Variants in CDH12 observed in about 807,000 individuals in gnomAD.
CDH12 encodes cadherin 12.
A neutral mutation model predicts 74.1 loss-of-function variants in CDH12; 41 were observed. The ratio of observed to expected loss-of-function variants is 0.55; its 90% CI spans 0.43 to 0.72. CDH12 has a LOEUF of 0.72. Among genes scored for constraint, CDH12 ranks in the 30% least tolerant of loss-of-function variants. The pLI is 0.00. For missense variants in CDH12, 945 were observed against 977.2 expected, an observed-to-expected ratio of 0.97 and a Z score of 0.44; for synonymous variants, 399 against 355.0, an observed-to-expected ratio of 1.12 and a Z score of -1.39.
intron 5 of CDH12, among the ~76,000 whole-genome samples, chr5:22,023,858 G>A (rs1186160835): frequency 6.6e-6 from 1 of 152,102 alleles, no homozygotes; most frequent in Non-Finnish European, 1.5e-5. Flanking sequence ...CCAAGTTAGA[G>A]CCAAATTTGG....
At chr5:22,361,563 G>T (rs1182321088) in intron 3 of CDH12, among the ~76,000 whole-genome samples, 1 of 152,070 alleles carries the variant, frequency 6.6e-6, no homozygotes, top group Non-Finnish European at 1.5e-5. Flanking sequence ...TTTCTTCACA[G>T]AATTGGAAAA....
At chr5:21,873,295 TC>T (rs1188715025) in intron 6 of CDH12, among the ~76,000 whole-genome samples, 1 of 151,986 alleles carries the variant, frequency 6.6e-6, no homozygotes, top group African/African-American at 2.4e-5. Flanking sequence ...CCCAAATTCT[TC>T]CCCCTTTTTT....
intron 1 of CDH12, among the ~76,000 whole-genome samples, chr5:22,702,453 C>G (rs1256112571): frequency 6.6e-6 from 1 of 152,076 alleles, no homozygotes; most frequent in African/African-American, 2.4e-5. Context: ...CTGGTGTTTT[C>G]TCTTCTCTAC....
At chr5:22,145,245 T>C (rs529112178) in intron 4 of CDH12, among the ~76,000 whole-genome samples, 1 of 152,262 alleles carries the variant, frequency 6.6e-6, no homozygotes, top group South Asian at 2.1e-4. Flanking sequence ...TATATCTGTG[T>C]ATGTGTGCAT....
At chr5:22,674,385 C>T (rs1741059102) in intron 1 of CDH12, among the ~76,000 whole-genome samples, 1 of 152,226 alleles carries the variant, frequency 6.6e-6, no homozygotes, top group Admixed American at 6.5e-5. Flanking sequence ...ATACCTTTCA[C>T]TTTCTGCCAT....
chr5:22,525,553 G>A (rs1334188232), intron 1 of CDH12, among the ~76,000 whole-genome samples: 2 of 149,240 alleles, frequency 1.3e-5, no homozygotes, highest in African/African-American at 4.9e-5. Context: ...AGGGAGGGAG[G>A]GAATGGAATG....
At chr5:22,049,225 A>C (rs1420281785) in intron 5 of CDH12, among the ~76,000 whole-genome samples, 3 of 152,148 alleles carry the variant, frequency 2.0e-5, no homozygotes, top group Non-Finnish European at 4.4e-5. Flanking sequence ...TATATCTATT[A>C]TCAACACAAT....
intron 2 of CDH12, among the ~76,000 whole-genome samples, chr5:22,499,451 G>C (rs961220169): frequency 3.3e-5 from 5 of 152,064 alleles, no homozygotes; most frequent in African/African-American, 1.2e-4. Context: ...CTCTAGAATG[G>C]TTCCTGGGGA....
intron 1 of CDH12, among the ~76,000 whole-genome samples, chr5:22,650,850 G>C (rs562378442): frequency 3.9e-5 from 6 of 152,100 alleles, no homozygotes; most frequent in Admixed American, 2.6e-4. Flanking sequence ...AGCAGAACTA[G>C]CATTTTGACA....
chr5:21,940,547 C>T (rs951937371), intron 6 of CDH12, among the ~76,000 whole-genome samples: 7 of 152,192 alleles, frequency 4.6e-5, no homozygotes, highest in African/African-American at 1.7e-4. Context: ...CAAAAACTCA[C>T]TGCCATCCCA....
rs1016977924 is a variant in CDH12 at position 21,936,241 on chromosome 5, C to T, written c.526+38850G>A. 7.9e-5 allele frequency among the ~76,000 whole-genome samples: 12 copies of T among 152,114 alleles called. No homozygotes were observed. In the South Asian group the frequency reaches 1.0e-3, roughly 13 times the overall value. On this transcript the variant is annotated intron_variant, in intron 6 of 14. Coordinates refer to ENST00000382254, the MANE Select transcript of CDH12 (RefSeq NM_004061.5). Reference sequence around the variant, plus strand: ...ACAAGGGTTCCTTTTTCTGTATCTCCGCGCCAACATTTGTTATTGCCTGAA... The same window carrying T: ...ACAAGGGTTCCTTTTTCTGTATCTCTGCGCCAACATTTGTTATTGCCTGAA...
chr5:22,397,009 G>T lies in CDH12; in HGVS notation c.-333+8248C>A, dbSNP rs147869756. On this transcript the variant is annotated intron_variant, in intron 3 of 14. Transcript: ENST00000382254. ...CTCTTTTACGTATATAAACTTTGGT[G>T]TATCAGAGTCTGCTGGTAACCTCTC... Among the ~76,000 whole-genome samples the T allele has an allele frequency of 2.6e-5, 4 of 152,050 alleles. No homozygotes were observed. In the East Asian group the frequency reaches 5.8e-4, roughly 22 times the overall value.
intron 6 of CDH12, among the ~76,000 whole-genome samples, chr5:21,947,717 T>A (rs1755642624): frequency 6.6e-6 from 1 of 152,230 alleles, no homozygotes; most frequent in African/African-American, 2.4e-5. Context: ...AGAAGCCGAA[T>A]GTTGTTACAG....
chr5:22,591,671 C>T (rs1736332112), intron 1 of CDH12, among the ~76,000 whole-genome samples: 1 of 152,184 alleles, frequency 6.6e-6, no homozygotes. Flanking sequence ...ATTGGAGTCA[C>T]TGTCCCCAGC....
intron 2 of CDH12, among the ~76,000 whole-genome samples, chr5:22,492,851 T>G (rs1014586460): frequency 3.3e-5 from 5 of 152,104 alleles, no homozygotes; most frequent in Non-Finnish European, 4.4e-5. Context: ...ATTTTTTGTT[T>G]TATAATCCTG....
chr5:22,653,925 A>T (rs1739872558), intron 1 of CDH12, among the ~76,000 whole-genome samples: 1 of 152,180 alleles, frequency 6.6e-6, no homozygotes, highest in Non-Finnish European at 1.5e-5. Context: ...AAATACATAC[A>T]TACATAAAAT....
intron 1 of CDH12, among the ~76,000 whole-genome samples, chr5:22,773,336 C>A (rs1746913687): frequency 6.6e-6 from 1 of 151,774 alleles, no homozygotes; most frequent in South Asian, 2.1e-4. Flanking sequence ...ATAGACTGCC[C>A]AAAAATAAAG....
chr5:22,376,140 T>C (rs1596485), intron 3 of CDH12, among the ~76,000 whole-genome samples: 63,921 of 152,056 alleles, frequency 0.42, 14,767 homozygotes, highest in Non-Finnish European at 0.52. Flanking sequence ...TAAAATCATG[T>C]CATTCGCAGC....
chr5:22,587,994 G>A (rs1352826871), intron 1 of CDH12, among the ~76,000 whole-genome samples: 1 of 148,164 alleles, frequency 6.7e-6, no homozygotes, highest in Non-Finnish European at 1.5e-5. Flanking sequence ...ATATATATGT[G>A]TGTCTATATA....
Sources: allele counts gnomAD v4.1 joint callset (sites outside exome capture counted in the v4.1 genomes callset), GRCh38; gene constraint gnomAD v4.1.1; transcripts MANE v1.5; gene names NCBI Gene and HGNC (gene_info 2026-07-23, HGNC 2026-07-21).